Variants in PACS2 observed in about 807,000 individuals in gnomAD.
PACS2 encodes phosphofurin acidic cluster sorting protein 2.
Under a neutral mutation model 113.0 loss-of-function variants are expected in PACS2, and 36 were observed. The observed-to-expected ratio is 0.32, with a 90% CI of 0.24 to 0.42. The LOEUF (loss-of-function observed/expected upper bound fraction) is 0.42. Among genes scored for constraint, PACS2 ranks in the 10% least tolerant of loss-of-function variants. The pLI is 1.00. For missense variants in PACS2, 1,015 were observed against 1,239.5 expected (o/e 0.82, Z 2.72); for synonymous variants, 589 against 536.1 (o/e 1.10, Z -1.36).
rs2060011017 is a variant in PACS2 at position 105,348,104 on chromosome 14, C to CTGGG, written c.120-389_120-388insTGGG. Among the ~76,000 whole-genome samples, 1 of 152,066 alleles carries CTGGG rather than the reference C, an allele frequency of 6.6e-6. No homozygotes were observed. Among genetic ancestry groups the CTGGG allele is most frequent in the African/African-American group, 2.4e-5 (1 of 41,392 alleles). On this transcript the variant is annotated intron_variant, in intron 1 of 24. Coordinates refer to ENST00000447393, the MANE Select transcript of PACS2 (RefSeq NM_001100913.3). This position sits in a 1 kb window ranked among gnomAD's most constrained non-coding sequence, Gnocchi z 6.4. ...GGCTGGGCCTGGGGCTGGATAGGGC[C>CTGGG]GCGGGAGAGGGGAGGCCTGTGCTCT...
At chr14:105,304,352 A>T (rs1051904282) in intron 1 of PACS2, among the ~76,000 whole-genome samples, 1 of 151,980 alleles carries the variant, frequency 6.6e-6, no homozygotes, top group African/African-American at 2.4e-5. Context: ...AGCAGGTGTG[A>T]TGGTGGGCGC....
At chr14:105,313,486 C>G (rs2058410112), upstream of PACS2, among the ~76,000 whole-genome samples, 1 of 152,260 alleles carries the variant, frequency 6.6e-6, no homozygotes, top group African/African-American at 2.4e-5. Context: ...CCCTTGTTCT[C>G]TCCGAAGTGG....
intron 19 of PACS2, among the ~76,000 whole-genome samples, chr14:105,388,149 TG>T (rs1233015444): frequency 1.3e-5 from 2 of 151,920 alleles, no homozygotes; most frequent in Non-Finnish European, 2.9e-5. Flanking sequence ...GCATCTTTAA[TG>T]GGATGGGAGG....
In PACS2 at chr14:105,354,685, C is replaced by G. The variant is rs1555404959; in HGVS notation, c.298-367C>G. Among the ~76,000 whole-genome samples the G allele has an allele frequency of 6.6e-6, 1 of 152,224 alleles. No individual in the cohort carries two copies. Among genetic ancestry groups the G allele is most frequent in the African/African-American group, 2.4e-5 (1 of 41,456 alleles). On this transcript the variant is annotated intron_variant, in intron 3 of 24. Transcript: ENST00000447393. The surrounding 1 kb of genome is among the most constrained non-coding windows in gnomAD (Gnocchi z 4.2). ...CGCGGAAAAGCGTCCTGGGTCCCACCTTGCTGATTGCCTCAGGCACATGAG... is the reference window on the plus strand; with the variant it reads ...CGCGGAAAAGCGTCCTGGGTCCCACGTTGCTGATTGCCTCAGGCACATGAG...
In PACS2 at chr14:105,361,717, AGGCG is replaced by A. The variant is rs1555406502; in HGVS notation, c.424-5492_424-5489del. ...GTAATCCCAGCACTTTGGGAGGCCA[AGGCG>A]GGCAGGTCACCTGAGGTCGGGAGCT... On this transcript the variant is annotated intron_variant, in intron 4 of 24. Transcript: ENST00000447393. 5.9e-5 allele frequency among the ~76,000 whole-genome samples: 9 copies of A among 151,450 alleles called. No individual in the cohort carries two copies. In the South Asian group the frequency reaches 1.5e-3, roughly 25 times the overall value.
intron 1 of PACS2, among the ~76,000 whole-genome samples, chr14:105,301,498 C>A (rs1489237743): frequency 1.3e-5 from 2 of 150,976 alleles, no homozygotes; most frequent in African/African-American, 4.9e-5. Flanking sequence ...ACCCCGGGCT[C>A]TGGGAGTGGT....
At position 105,329,374 on chromosome 14, in the gene PACS2, G is replaced by C. The variant is rs377477414; in HGVS notation, c.119+14337G>C. Among the ~76,000 whole-genome samples the C allele has an allele frequency of 2.8e-4, 43 of 152,296 alleles. No individual in the cohort carries two copies. Among genetic ancestry groups the C allele is most frequent in the African/African-American group, 1.0e-3 (42 of 41,550 alleles). On this transcript the variant is annotated intron_variant, in intron 1 of 24. Transcript: ENST00000447393. This position sits in a 1 kb window ranked among gnomAD's most constrained non-coding sequence, Gnocchi z 6.4. Reference sequence around the variant, plus strand: ...TCCCTGGCAACTGTTGCCTTTCCCAGAAGAGAAGTCCCTGGAACCAGGACC... The same window carrying C: ...TCCCTGGCAACTGTTGCCTTTCCCACAAGAGAAGTCCCTGGAACCAGGACC...
intron 4 of PACS2, among the ~76,000 whole-genome samples, chr14:105,360,646 C>A (rs886299368): frequency 5.9e-5 from 9 of 151,748 alleles, no homozygotes; most frequent in African/African-American, 2.2e-4. Context: ...GGGTGCTGAC[C>A]GGTCAGAGTG....
rs1555410359 is a variant in PACS2 at position 105,376,168 on chromosome 14, C to CTT, written c.802-599_802-598dup. ...TCCAGTTACCTCCACTTGTCCTGCCCTTGGCACGTGGGGCTTATGGGGATT... is the reference window on the plus strand; with the variant it reads ...TCCAGTTACCTCCACTTGTCCTGCCCTTTTGGCACGTGGGGCTTATGGGGATT... On this transcript the variant is annotated intron_variant, in intron 8 of 24. Coordinates refer to ENST00000447393, the MANE Select transcript of PACS2 (RefSeq NM_001100913.3). This position sits in a 1 kb window ranked among gnomAD's most constrained non-coding sequence, Gnocchi z 4.7. Among the ~76,000 whole-genome samples the CTT allele has an allele frequency of 6.6e-6, 1 of 152,086 alleles. No homozygotes were observed. Among genetic ancestry groups the CTT allele is most frequent in the African/African-American group, 2.4e-5 (1 of 41,408 alleles).
rs181547967 is a variant in PACS2, at chr14:105,306,698, C to T, written c.-83+5719C>T. Among the ~76,000 whole-genome samples the T allele has an allele frequency of 9.2e-5, 14 of 152,116 alleles. 1 individual carries two copies. The highest frequency in any genetic ancestry group is 3.4e-4 in the African/African-American group (14 of 41,508). ...TTGATGTACCGCAATCTCTACCTCC[C>T]GGGTTCAAGCAATTCTCCTGCCTCA... On this transcript the variant is annotated intron_variant, in intron 1 of 23. Transcript: ENST00000430725.
chr14:105,348,613 G>T lies in PACS2; in HGVS notation c.207+33G>T, dbSNP rs1248114022. 6 of 1,477,714 alleles carry T rather than the reference G, an allele frequency of 4.1e-6. No individual in the cohort carries two copies. The African/African-American group carries it at 8.3e-5, about 20-fold the overall frequency. The allele number at this position is 1,477,714 out of a possible 1,614,324, so 91.5% of individuals were successfully genotyped here. On this transcript the variant is annotated intron_variant, in intron 2 of 24. Coordinates refer to ENST00000447393, the MANE Select transcript of PACS2 (RefSeq NM_001100913.3). The surrounding 1 kb of genome is among the most constrained non-coding windows in gnomAD (Gnocchi z 6.4). ...CGCTTGTGACCCCGGCTGTGGCTGG[G>T]TGCTGTGTAGGCTTTCCATGTGCCT...
rs782242942 is a variant in PACS2, at chr14:105,373,887, C to G, written c.802-2881C>G. Among the ~76,000 whole-genome samples the G allele has an allele frequency of 7.2e-5, 11 of 152,086 alleles. 1 individual carries two copies. Among genetic ancestry groups the G allele is most frequent in the African/African-American group, 2.4e-4 (10 of 41,502 alleles). Reference sequence around the variant, plus strand: ...GTGGCTCACGCCTGTAATCCCAGCACTTTGGGATTAGTGGCCGAGGCTTGA... The same window carrying G: ...GTGGCTCACGCCTGTAATCCCAGCAGTTTGGGATTAGTGGCCGAGGCTTGA... On this transcript the variant is annotated intron_variant, in intron 8 of 24. Transcript: ENST00000447393.
chr14:105,322,309 G>A (rs587614938), intron 1 of PACS2, among the ~76,000 whole-genome samples: 1 of 151,560 alleles, frequency 6.6e-6, no homozygotes, highest in African/African-American at 2.4e-5. Context: ...CTGTTGCCCA[G>A]GGTGGAATGC....
upstream of PACS2, chr14:105,314,507 T>C (rs1390198871): frequency 1.4e-5 from 2 of 144,686 alleles, no homozygotes; most frequent in Admixed American, 6.8e-5. Context: ...GGCGCGTGAG[T>C]GCGCGCTCTC....
At chr14:105,352,254 T>A in intron 2 of PACS2, 124 bp from the exon 3 acceptor site, 1 of 693,074 alleles carries the variant, frequency 1.4e-6, no homozygotes, top group South Asian at 1.6e-5. Flanking sequence ...AGCCTGTGCC[T>A]ACCACCCCCA....
intron 24 of PACS2, 95 bp from the exon 25 acceptor site, chr14:105,394,459 C>A: frequency 6.3e-7 from 1 of 1,575,600 alleles, no homozygotes. Flanking sequence ...TCCTGTACGC[C>A]CGGCTGCCAC....
intron 1 of PACS2, among the ~76,000 whole-genome samples, chr14:105,343,677 G>A (rs1379280081): frequency 6.6e-6 from 1 of 150,522 alleles, no homozygotes; most frequent in African/African-American, 2.4e-5. Flanking sequence ...CTGGTGAAAC[G>A]TCTGTTCAAA....
rs587675129 is a variant in PACS2 at position 105,315,113 on chromosome 14, C to T, written c.119+76C>T. ...TCCTGGCCGCGGCCTCTGCGCGCCC[C>T]ATCCCCGGCCCGGGTCCCCCAGCGG... On this transcript the variant is annotated intron_variant, in intron 1 of 24. Coordinates refer to ENST00000447393, the MANE Select transcript of PACS2 (RefSeq NM_001100913.3). This position sits in a 1 kb window ranked among gnomAD's most constrained non-coding sequence, Gnocchi z 4.4. The T allele has an allele frequency of 9.3e-5, 86 of 927,616 alleles. No homozygotes were observed. The African/African-American group carries it at 1.2e-3, about 13-fold the overall frequency. 57.5% of individuals were successfully genotyped at this position (927,616 alleles called of 1,614,324 possible).
upstream of PACS2, among the ~76,000 whole-genome samples, chr14:105,311,736 G>A (rs942780065): frequency 7.7e-4 from 117 of 152,350 alleles, 1 homozygote; most frequent in African/African-American, 2.7e-3. Context: ...GGCTGCGGGT[G>A]CAGCGATCTC....
Sources: allele counts gnomAD v4.1 joint callset (sites outside exome capture counted in the v4.1 genomes callset), GRCh38; gene constraint gnomAD v4.1.1; non-coding constraint Gnocchi (gnomAD v3.1); transcripts MANE v1.5; gene names NCBI Gene and HGNC (gene_info 2026-07-23, HGNC 2026-07-21).